TRIO: variants seen among roughly 807,000 people sequenced by gnomAD.
The protein encoded by TRIO is trio Rho guanine nucleotide exchange factor.
Under a neutral mutation model 351.9 loss-of-function variants are expected in TRIO, and 58 were observed. The observed-to-expected ratio is 0.16, with a 90% CI of 0.13 to 0.21. The LOEUF (loss-of-function observed/expected upper bound fraction) is 0.21, where lower values mean the gene tolerates loss of function less well. Ranked by LOEUF, TRIO falls within the 10% of genes least tolerant of loss-of-function variation. The pLI is 1.00. For missense variants in TRIO, 3,201 were observed against 4,027.8 expected (o/e 0.79, Z 5.56); for synonymous variants, 1,758 against 1,595.7 (o/e 1.10, Z -2.42).
rs183118280 is a variant in TRIO at position 14,282,961 on chromosome 5, A to G, written c.347+2525A>G. Among the ~76,000 whole-genome samples, 102 of 152,242 alleles carry G rather than the reference A, an allele frequency of 6.7e-4. 1 individual carries two copies. The highest frequency in any genetic ancestry group is 1.3e-4 in the Non-Finnish European group (9 of 68,018). ...TGGAGAAAGATTTCAGAGTAGTCCA[A>G]ATTGAAAGAAGTGGCCACAAAGTGA... On this transcript the variant is annotated intron_variant, in intron 3 of 56. Transcript: ENST00000344204.
intron 11 of TRIO, among the ~76,000 whole-genome samples, chr5:14,339,952 C>T (rs1741787078): frequency 6.6e-6 from 1 of 152,184 alleles, no homozygotes; most frequent in Non-Finnish European, 1.5e-5. Context: ...AAGAGGAAAT[C>T]ATGCTAATTT....
At chr5:14,231,157 G>A (rs778670876) in intron 1 of TRIO, among the ~76,000 whole-genome samples, 3 of 152,170 alleles carry the variant, frequency 2.0e-5, no homozygotes, top group Non-Finnish European at 2.9e-5. Context: ...TTGTGACCCC[G>A]TTATACTCAG....
chr5:14,288,007 A>G (rs536893565), intron 4 of TRIO, among the ~76,000 whole-genome samples: 1 of 152,192 alleles, frequency 6.6e-6, no homozygotes, highest in Non-Finnish European at 1.5e-5. Context: ...AATTCTTTCC[A>G]TAGTACTCAT....
In TRIO at chr5:14,509,214, T is replaced by G. The variant is rs1235545999; in HGVS notation, c.*792T>G. On this transcript the variant is annotated 3_prime_UTR_variant, in exon 57 of 57. Coordinates refer to ENST00000344204, the MANE Select transcript of TRIO (RefSeq NM_007118.4). ...GATTGTGGAGCAGTACACAGTCAGATGAAAATACTGTAAATGCACTCATTG... is the reference window on the plus strand; with the variant it reads ...GATTGTGGAGCAGTACACAGTCAGAGGAAAATACTGTAAATGCACTCATTG... The G allele has an allele frequency of 5.9e-6, 2 of 338,772 alleles. No individual in the cohort carries two copies. The highest frequency in any genetic ancestry group is 1.1e-5 in the Non-Finnish European group (2 of 175,836). 21.0% of individuals were successfully genotyped at this position (338,772 alleles called of 1,614,324 possible).
chr5:14,197,332 C>T (rs903212065), intron 1 of TRIO, among the ~76,000 whole-genome samples: 1 of 152,200 alleles, frequency 6.6e-6, no homozygotes, highest in Non-Finnish European at 1.5e-5. Flanking sequence ...CCAGCTCCGT[C>T]CTCAGCCCCA....
intron 20 of TRIO, among the ~76,000 whole-genome samples, chr5:14,379,123 A>G (rs906927181): frequency 1.6e-4 from 24 of 152,252 alleles, no homozygotes; most frequent in African/African-American, 5.8e-4. Context: ...ACAGGGGAGA[A>G]GGTGATTCCC....
At chr5:14,315,580 G>T (rs984817515) in intron 8 of TRIO, among the ~76,000 whole-genome samples, 1 of 151,972 alleles carries the variant, frequency 6.6e-6, no homozygotes, top group African/African-American at 2.4e-5. Context: ...GAGGTTTTTA[G>T]ATTTGGAAGT....
intron 11 of TRIO, among the ~76,000 whole-genome samples, chr5:14,345,414 A>T (rs929843523): frequency 6.6e-6 from 1 of 152,226 alleles, no homozygotes; most frequent in Non-Finnish European, 1.5e-5. Context: ...GGTCATTTGT[A>T]AATGGAGGGT....
intron 19 of TRIO, among the ~76,000 whole-genome samples, chr5:14,377,414 T>G (rs1053700207): frequency 6.6e-6 from 1 of 152,084 alleles, no homozygotes; most frequent in Non-Finnish European, 1.5e-5. Flanking sequence ...CCCTGCTAAT[T>G]TTTGTATTTT....
chr5:14,455,592 A>G (rs993095568), intron 34 of TRIO, among the ~76,000 whole-genome samples: 2 of 152,042 alleles, frequency 1.3e-5, no homozygotes, highest in Non-Finnish European at 1.5e-5. Flanking sequence ...CAGAGTGCTG[A>G]TTGGTGCATT....
At chr5:14,476,796 A>G (rs1755107052) in intron 40 of TRIO, 98 bp from the exon 41 acceptor site, 1 of 1,128,626 alleles carries the variant, frequency 8.9e-7, no homozygotes, top group Non-Finnish European at 1.2e-6. Flanking sequence ...TCTCTCAAAA[A>G]AAAAAAAGAA....
At chr5:14,473,743 A>G (rs1329368585) in intron 39 of TRIO, among the ~76,000 whole-genome samples, 1 of 152,254 alleles carries the variant, frequency 6.6e-6, no homozygotes, top group Non-Finnish European at 1.5e-5. Flanking sequence ...TTAATTCCTT[A>G]GAAGATTTTT....
intron 31 of TRIO, among the ~76,000 whole-genome samples, chr5:14,403,219 T>TG (rs1748279262): frequency 1.9e-5 from 1 of 51,656 alleles, no homozygotes; most frequent in Non-Finnish European, 3.6e-5. Context: ...GGGTGCAGGT[T>TG]GTGGTGAGGG....
intron 3 of TRIO, among the ~76,000 whole-genome samples, chr5:14,285,488 A>G (rs113819582): frequency 4.8e-4 from 73 of 151,912 alleles, no homozygotes; most frequent in Non-Finnish European, 8.4e-4. Context: ...AGTTAGTCTG[A>G]TAGTCTGAAT....
intron 1 of TRIO, among the ~76,000 whole-genome samples, chr5:14,185,020 C>G (rs1208867570): frequency 1.3e-5 from 2 of 152,148 alleles, no homozygotes; most frequent in African/African-American, 4.8e-5. Flanking sequence ...TCGTCCATGA[C>G]TCATGGACAG....
At chr5:14,244,920 C>G (rs1272063992) in intron 1 of TRIO, among the ~76,000 whole-genome samples, 1 of 152,124 alleles carries the variant, frequency 6.6e-6, no homozygotes, top group African/African-American at 2.4e-5. Context: ...GCAAGGGCAG[C>G]TAGGGGAGGT....
chr5:14,489,602 A>G (rs1756323539), intron 48 of TRIO, among the ~76,000 whole-genome samples: 1 of 152,236 alleles, frequency 6.6e-6, no homozygotes, highest in Non-Finnish European at 1.5e-5. Context: ...AGAGCTCATC[A>G]TAGCCTGGAC....
In TRIO at chr5:14,392,719, A is replaced by G. The variant is rs181660787; in HGVS notation, c.4219-1319A>G. ...AGACTGGATAAAGAAAATGTGGCAC[A>G]TATACACCATGGAATACTATGCAAT... On this transcript the variant is annotated intron_variant, in intron 27 of 56. Transcript: ENST00000344204. 2.7e-3 allele frequency among the ~76,000 whole-genome samples: 415 copies of G among 152,340 alleles called. 1 individual carries two copies. Among genetic ancestry groups the G allele is most frequent in the African/African-American group, 9.5e-3 (395 of 41,570 alleles).
chr5:14,250,108 G>A (rs538896641), intron 1 of TRIO, among the ~76,000 whole-genome samples: 3 of 152,284 alleles, frequency 2.0e-5, no homozygotes, highest in African/African-American at 4.8e-5. Flanking sequence ...AATTTACACC[G>A]ACAGAAACTG....
Sources: gnomAD v4.1 joint callset for allele counts (sites outside exome capture counted in the v4.1 genomes callset) on GRCh38, gnomAD v4.1.1 for gene constraint, MANE v1.5 for transcripts, NCBI Gene and HGNC (gene_info 2026-07-23, HGNC 2026-07-21) for gene names.